The following RC3H1 variants were observed in gnomAD, a reference collection of about 807,000 sequenced individuals.
RC3H1 encodes the protein roquin-1.
In RC3H1, 50 loss-of-function variants were observed where a neutral mutation model predicts 138.2. The observed-to-expected ratio is 0.36, with a 90% CI of 0.29 to 0.46. The LOEUF (loss-of-function observed/expected upper bound fraction) is 0.46. RC3H1 is among the 20% of genes least tolerant of loss of function. The pLI, the probability that RC3H1 is intolerant of heterozygous loss-of-function variation, is 1.00. For missense variants in RC3H1, 1,031 were observed against 1,388.1 expected (o/e 0.74, Z 4.09); for synonymous variants, 462 against 489.1 (o/e 0.94, Z 0.73).
intron 17 of RC3H1, among the ~76,000 whole-genome samples, chr1:173,943,987 C>T (rs888221728): frequency 1.3e-5 from 2 of 151,522 alleles, no homozygotes; most frequent in African/African-American, 2.4e-5. Context: ...ATCAAGACCT[C>T]GCCTCTACAA....
intron 1 of RC3H1, among the ~76,000 whole-genome samples, chr1:174,013,545 G>A (rs773787242): frequency 7.2e-5 from 11 of 151,828 alleles, no homozygotes; most frequent in African/African-American, 1.2e-4. Context: ...GGGTTCAAGC[G>A]ATTCTCCTGC....
chr1:173,946,918 G>T, intron 15 of RC3H1, 82 bp from the exon 16 acceptor site: 1 of 924,300 alleles, frequency 1.1e-6, no homozygotes, highest in Non-Finnish European at 1.8e-6. Flanking sequence ...AGACATCAGC[G>T]TATTGCATAC....
At chr1:173,994,118 G>A (rs1408051824) in intron 1 of RC3H1, among the ~76,000 whole-genome samples, 2 of 151,388 alleles carry the variant, frequency 1.3e-5, no homozygotes, top group Admixed American at 6.6e-5. Flanking sequence ...ACAGCCAGGC[G>A]CGGTGTCTCA....
intron 2 of RC3H1, among the ~76,000 whole-genome samples, chr1:173,988,871 T>C (rs1661144605): frequency 6.6e-6 from 1 of 152,256 alleles, no homozygotes; most frequent in African/African-American, 2.4e-5. Flanking sequence ...TTCAGCTCTT[T>C]GTCCATTTTA....
chr1:173,999,275 G>A (rs1057240151), intron 1 of RC3H1, among the ~76,000 whole-genome samples: 1 of 151,620 alleles, frequency 6.6e-6, no homozygotes, highest in Non-Finnish European at 1.5e-5. Flanking sequence ...AGCTACTCGC[G>A]AGGCCAAGGC....
intron 5 of RC3H1, 58 bp from the exon 6 acceptor site, chr1:173,981,067 T>C (rs7530661): frequency 0.16 from 220,481 of 1,418,660 alleles, 29,717 homozygotes; most frequent in African/African-American, 0.71. Context: ...ATGCTTTATA[T>C]GAACATATAA....
rs749248005 is a variant in RC3H1 at position 173,946,799 on chromosome 1, A to G, written c.2775T>C (p.Ala925=). Residue 925 remains alanine, a synonymous_variant, in exon 16 of 20, where the codon GCT becomes GCC. Transcript: ENST00000367696. ...TGTTTTGATGAGGTGAATATGGAGAAGCTCCCCAGCCACCGTGGGTTCCAT... is the reference window on the plus strand; with the variant it reads ...TGTTTTGATGAGGTGAATATGGAGAGGCTCCCCAGCCACCGTGGGTTCCAT... The part of the protein sequence containing the change: ...SPYGTHGGWG[A]SPYSPHQNIP... 2 of 1,613,720 alleles carry G rather than the reference A, an allele frequency of 1.2e-6. No homozygotes were observed. The highest frequency in any genetic ancestry group is 2.2e-5 in the South Asian group (2 of 91,068).
rs565185892 is a variant in RC3H1, at chr1:173,985,622, CT to C, written c.232-1004del. 1.7e-3 allele frequency among the ~76,000 whole-genome samples: 264 copies of C among 151,344 alleles called. 1 individual carries two copies. The highest frequency in any genetic ancestry group is 5.9e-3 in the African/African-American group (244 of 41,270). ...GTTAATTAACAAATCCATCACCTCA[CT>C]TTTTTTTTGTAGATTTTAAATAAAA... On this transcript the variant is annotated intron_variant, in intron 2 of 19. Transcript: ENST00000367696.
At chr1:173,972,398 T>C in intron 8 of RC3H1, 111 bp downstream of exon 8, 2 of 690,040 alleles carry the variant, frequency 2.9e-6, no homozygotes, top group Non-Finnish European at 5.2e-6. Flanking sequence ...TCTCAAAATG[T>C]TCATGTTATC....
At chr1:173,986,901 T>G (rs1661052533) in intron 2 of RC3H1, among the ~76,000 whole-genome samples, 1 of 152,164 alleles carries the variant, frequency 6.6e-6, no homozygotes, top group African/African-American at 2.4e-5. Flanking sequence ...CTTGGACACT[T>G]TCTCAGACTT....
chr1:174,006,570 T>G (rs1352714913), intron 1 of RC3H1, among the ~76,000 whole-genome samples: 1 of 152,222 alleles, frequency 6.6e-6, no homozygotes, highest in African/African-American at 2.4e-5. Context: ...CCTTCCAACT[T>G]TGAGCACTTG....
At chr1:173,981,578 G>T (rs1660822517) in intron 5 of RC3H1, among the ~76,000 whole-genome samples, 1 of 152,156 alleles carries the variant, frequency 6.6e-6, no homozygotes, top group Admixed American at 6.5e-5. Flanking sequence ...AAAACAATAT[G>T]TTTCTTCTCC....
chr1:173,999,107 T>C (rs1187895331), intron 1 of RC3H1, among the ~76,000 whole-genome samples: 2 of 132,640 alleles, frequency 1.5e-5, no homozygotes, highest in Non-Finnish European at 3.1e-5. Context: ...AAAAAAAAAC[T>C]GTTGGGCGTG....
chr1:173,961,297 T>C, intron 12 of RC3H1, 53 bp from the exon 13 acceptor site: 1 of 1,493,498 alleles, frequency 6.7e-7, no homozygotes, highest in East Asian at 2.3e-5. Flanking sequence ...GACAGATTAA[T>C]TCATTTAATA....
At chr1:173,972,087 A>T (rs1296732248) in intron 8 of RC3H1, among the ~76,000 whole-genome samples, 1 of 152,160 alleles carries the variant, frequency 6.6e-6, no homozygotes, top group Non-Finnish European at 1.5e-5. Flanking sequence ...TAATAAGAAA[A>T]TCTATAGAAA....
intron 13 of RC3H1, among the ~76,000 whole-genome samples, chr1:173,957,406 A>G (rs1224241514): frequency 1.3e-5 from 2 of 152,182 alleles, no homozygotes; most frequent in Non-Finnish European, 2.9e-5. Flanking sequence ...CTGAACCTCA[A>G]AGTTTAGAAT....
chr1:173,967,924 G>A (rs1407497137), intron 9 of RC3H1, among the ~76,000 whole-genome samples: 1 of 152,004 alleles, frequency 6.6e-6, no homozygotes, highest in Non-Finnish European at 1.5e-5. Flanking sequence ...GTGGTTTCTT[G>A]CCTTCCTAAA....
chr1:173,995,060 A>G (rs760545386), intron 1 of RC3H1, among the ~76,000 whole-genome samples: 4 of 152,188 alleles, frequency 2.6e-5, no homozygotes, highest in Non-Finnish European at 5.9e-5. Flanking sequence ...ACAAGCATAT[A>G]TAACAGAGGC....
In RC3H1 at chr1:173,961,185, T is replaced by C; in HGVS notation, c.2262A>G (p.Leu754=). The C allele has an allele frequency of 6.2e-7, 1 of 1,614,140 alleles. No individual in the cohort carries two copies. The highest frequency in any genetic ancestry group is 1.1e-5 in the South Asian group (1 of 91,080). Residue 754 remains leucine, a synonymous_variant, in exon 13 of 20, where the codon CTA becomes CTG. Coordinates refer to ENST00000367696, the MANE Select transcript of RC3H1 (RefSeq NM_172071.4). ...PPQPHPSLDE[L]HRRRKEIMAQ... is the part of the protein sequence containing the mutation. ...CCATTATTTCCTTTCGTCGGCGATG[T>C]AGTTCATCTAGACTAGGATGAGGCT...
Sources: allele counts gnomAD v4.1 joint callset (sites outside exome capture counted in the v4.1 genomes callset), GRCh38; gene constraint gnomAD v4.1.1; transcripts MANE v1.5; gene names NCBI Gene and HGNC (gene_info 2026-07-23, HGNC 2026-07-21).